Variants in TLL1 observed in about 807,000 individuals in gnomAD.
The protein encoded by TLL1 is tolloid-like protein 1.
Under a neutral mutation model 128.2 loss-of-function variants are expected in TLL1, and 49 were observed. The ratio of observed to expected loss-of-function variants is 0.38; its 90% CI spans 0.30 to 0.48. The LOEUF (loss-of-function observed/expected upper bound fraction) is 0.48, where lower values mean the gene tolerates loss of function less well. Ranked by LOEUF, TLL1 falls within the 20% of genes least tolerant of loss-of-function variation. TLL1 has a pLI of 0.96. For missense variants in TLL1, 1,123 were observed against 1,242.0 expected (o/e 0.90, Z 1.44); for synonymous variants, 454 against 418.8 (o/e 1.08, Z -1.03).
chr4:166,034,673 T>C (rs919474107), intron 9 of TLL1, among the ~76,000 whole-genome samples: 1 of 152,154 alleles, frequency 6.6e-6, no homozygotes, highest in Admixed American at 6.6e-5. Context: ...GGAGTATTTT[T>C]AGGGATATTA....
intron 1 of TLL1, among the ~76,000 whole-genome samples, chr4:165,927,773 T>G (rs886741845): frequency 2.0e-5 from 3 of 152,082 alleles, no homozygotes; most frequent in Admixed American, 1.3e-4. Flanking sequence ...AGGCTGGAGA[T>G]GTGGCTAAAT....
chr4:166,000,475 T>C (rs967614871), intron 5 of TLL1, among the ~76,000 whole-genome samples: 2 of 152,146 alleles, frequency 1.3e-5, no homozygotes, highest in Admixed American at 6.6e-5. Context: ...CCTCATCTTA[T>C]AGGAAATTGC....
chr4:165,878,201 G>T (rs1207334923), intron 1 of TLL1, among the ~76,000 whole-genome samples: 1 of 152,042 alleles, frequency 6.6e-6, no homozygotes, highest in Non-Finnish European at 1.5e-5. Flanking sequence ...CGAATTTGAT[G>T]TTCTTTTCCA....
chr4:165,962,183 A>G (rs1735137914), intron 1 of TLL1, among the ~76,000 whole-genome samples: 1 of 152,194 alleles, frequency 6.6e-6, no homozygotes, highest in African/African-American at 2.4e-5. Context: ...TTATCTAAAA[A>G]GGACCTAATA....
chr4:165,993,058 A>G lies in TLL1; in HGVS notation c.361+174A>G, dbSNP rs529176580. 628 of 577,312 alleles carry G rather than the reference A, an allele frequency of 1.1e-3. 5 individuals are homozygous for G. The highest frequency in any genetic ancestry group is 4.9e-3 in the South Asian group (219 of 44,972). The allele number at this position is 577,312 out of a possible 1,614,324, so 35.8% of individuals were successfully genotyped here. A position where few individuals can be genotyped will look rare whatever the true frequency, so the allele number is the denominator to read the frequency against. ...ATCTGATCAAAGCCTTTTAGAACTCATTTGGAATAATTTGAAATGTTCCTT... is the reference window on the plus strand; with the variant it reads ...ATCTGATCAAAGCCTTTTAGAACTCGTTTGGAATAATTTGAAATGTTCCTT... On this transcript the variant is annotated intron_variant, in intron 3 of 20. Transcript: ENST00000061240.
intron 19 of TLL1, among the ~76,000 whole-genome samples, chr4:166,093,502 T>C (rs1469347683): frequency 1.3e-5 from 2 of 152,204 alleles, no homozygotes; most frequent in African/African-American, 4.8e-5. Flanking sequence ...TTTTCTCTTA[T>C]TTCAGAATTG....
intron 1 of TLL1, among the ~76,000 whole-genome samples, chr4:165,875,287 G>A (rs1730676049): frequency 6.6e-6 from 1 of 152,146 alleles, no homozygotes; most frequent in Non-Finnish European, 1.5e-5. Context: ...CTTGGGCCTG[G>A]AGGAAGGAGA....
At chr4:165,991,724 G>A (rs1736644410) in intron 2 of TLL1, among the ~76,000 whole-genome samples, 1 of 151,828 alleles carries the variant, frequency 6.6e-6, no homozygotes, top group Admixed American at 6.6e-5. Context: ...TAAAAAAATA[G>A]ATATTGGAAG....
At chr4:165,996,479 C>T (rs115955832) in intron 5 of TLL1, among the ~76,000 whole-genome samples, 1,880 of 152,004 alleles carry the variant, frequency 0.012, 32 homozygotes, top group African/African-American at 0.04. Context: ...TGTGTTGGCG[C>T]GCACCTGTAA....
At chr4:166,070,865 A>G (rs1740783440) in intron 16 of TLL1, among the ~76,000 whole-genome samples, 1 of 151,966 alleles carries the variant, frequency 6.6e-6, no homozygotes, top group Non-Finnish European at 1.5e-5. Context: ...ACTCTAACAA[A>G]ACTTTAAAGT....
chr4:165,925,819 C>A (rs532571680), intron 1 of TLL1, among the ~76,000 whole-genome samples: 1 of 152,138 alleles, frequency 6.6e-6, no homozygotes, highest in African/African-American at 2.4e-5. Context: ...CTTCAGCAAC[C>A]ACCACCTTGA....
chr4:165,901,462 C>G (rs747795731), intron 1 of TLL1, among the ~76,000 whole-genome samples: 2 of 152,160 alleles, frequency 1.3e-5, no homozygotes, highest in Non-Finnish European at 2.9e-5. Context: ...TCATGCTAAT[C>G]CTTTCTGTTT....
At chr4:166,060,850 AG>A (rs1230448367) in intron 15 of TLL1, among the ~76,000 whole-genome samples, 25 of 152,230 alleles carry the variant, frequency 1.6e-4, no homozygotes, top group African/African-American at 5.1e-4. Context: ...GGGAACTTTT[AG>A]AAAAACATCC....
chr4:166,040,029 A>T (rs1286776881), intron 10 of TLL1, among the ~76,000 whole-genome samples: 1 of 152,234 alleles, frequency 6.6e-6, no homozygotes, highest in African/African-American at 2.4e-5. Flanking sequence ...TCTGCTGTCA[A>T]CGTTTAACCA....
chr4:166,022,682 T>G (rs906658669), intron 8 of TLL1, among the ~76,000 whole-genome samples: 1 of 152,162 alleles, frequency 6.6e-6, no homozygotes, highest in African/African-American at 2.4e-5. Flanking sequence ...TAAAAGTAAC[T>G]ATGTAATTAA....
chr4:165,880,340 G>A (rs1358890516), intron 1 of TLL1, among the ~76,000 whole-genome samples: 2 of 152,174 alleles, frequency 1.3e-5, no homozygotes, highest in African/African-American at 4.8e-5. Flanking sequence ...AGTAAATTAG[G>A]TGTTAATTGA....
At chr4:165,874,815 T>G (rs1730651757) in intron 1 of TLL1, 1 of 152,316 alleles carries the variant, frequency 6.6e-6, no homozygotes, top group African/African-American at 2.4e-5. Context: ...ATGTCCCAGG[T>G]CCTTCCCCTC....
intron 1 of TLL1, among the ~76,000 whole-genome samples, chr4:165,900,213 TG>T (rs1345540789): frequency 1.2e-4 from 19 of 152,128 alleles, no homozygotes; most frequent in Admixed American, 1.2e-3. Context: ...GTCTTTTAAT[TG>T]GGGCATTTAG....
rs754525903 is a variant in TLL1 at position 166,100,846 on chromosome 4, A to G, written c.3012A>G (p.Arg1004=). The change falls in exon 21 of 21, where the codon AGA becomes AGG. Residue 1004 remains arginine, a synonymous_variant. Coordinates refer to ENST00000061240, the MANE Select transcript of TLL1 (RefSeq NM_012464.5). ...TTCATATAAGATACAAAAGCATAAG[A>G]TATCCAGATACCACACATACCAAAA... ...KGFHIRYKSI[R]YPDTTHTKK 1.2e-6 allele frequency: 2 copies of G among 1,612,860 alleles called. No homozygotes were observed. Among genetic ancestry groups the G allele is most frequent in the South Asian group, 1.1e-5 (1 of 91,070 alleles).
Sources: gnomAD v4.1 joint callset for allele counts (sites outside exome capture counted in the v4.1 genomes callset) on GRCh38, gnomAD v4.1.1 for gene constraint, MANE v1.5 for transcripts, NCBI Gene and HGNC (gene_info 2026-07-23, HGNC 2026-07-21) for gene names.